SPAG16: variants seen among roughly 807,000 people sequenced by gnomAD.
SPAG16 encodes the protein sperm associated antigen 16.
SPAG16 carries 86 observed loss-of-function variants against 80.4 expected under a neutral mutation model. The observed-to-expected ratio is 1.07, with a 90% CI of 0.90 to 1.28. The LOEUF is 1.28. Ranked by LOEUF, SPAG16 falls within the 50% of genes most tolerant of loss-of-function variation. The pLI is 0.00. For missense variants in SPAG16, 870 were observed against 765.3 expected (o/e 1.14, Z -1.61); for synonymous variants, 294 against 265.9 (o/e 1.11, Z -1.03).
chr2:213,898,173 A>T (rs552662593), intron 11 of SPAG16, among the ~76,000 whole-genome samples: 29 of 152,328 alleles, frequency 1.9e-4, no homozygotes, highest in African/African-American at 7.0e-4. Flanking sequence ...CAGAAAGACT[A>T]TGTATGTTTC....
chr2:213,560,750 G>A (rs1395992137), intron 10 of SPAG16, among the ~76,000 whole-genome samples: 6 of 152,132 alleles, frequency 3.9e-5, no homozygotes, highest in African/African-American at 4.8e-5. Flanking sequence ...CTCCTTAAGA[G>A]TTTATTTTCT....
intron 14 of SPAG16, among the ~76,000 whole-genome samples, chr2:214,131,254 A>C (rs1283541774): frequency 6.6e-6 from 1 of 151,932 alleles, no homozygotes; most frequent in Non-Finnish European, 1.5e-5. Flanking sequence ...CTGTGGTCCT[A>C]GTTGCTTCGG....
intron 10 of SPAG16, among the ~76,000 whole-genome samples, chr2:213,647,128 G>C (rs1020962460): frequency 7.2e-5 from 11 of 152,110 alleles, no homozygotes; most frequent in African/African-American, 2.7e-4. Context: ...ATGAGGTGAA[G>C]GAAGAGAAAA....
Position 213,435,721 on chromosome 2 carries a change from G to T in SPAG16, c.943-54242G>T, listed in dbSNP as rs1001588251. 2.6e-5 allele frequency among the ~76,000 whole-genome samples: 4 copies of T among 152,028 alleles called. No individual in the cohort carries two copies. The East Asian group carries it at 7.7e-4, about 29-fold the overall frequency. On this transcript the variant is annotated intron_variant, in intron 9 of 15. Transcript: ENST00000331683. ...ATTAAATCTAAAATGACTGATAAAAGACACATTGTTCAGGACAGAAAACAA... is the reference window on the plus strand; with the variant it reads ...ATTAAATCTAAAATGACTGATAAAATACACATTGTTCAGGACAGAAAACAA...
chr2:214,406,804 C>T (rs1412833090), intron 15 of SPAG16, among the ~76,000 whole-genome samples: 1 of 152,026 alleles, frequency 6.6e-6, no homozygotes, highest in East Asian at 1.9e-4. Context: ...ATATGCTCCT[C>T]ATTGAGTCCT....
At chr2:214,120,435 T>A in intron 14 of SPAG16, among the ~76,000 whole-genome samples, 1 of 151,984 alleles carries the variant, frequency 6.6e-6, no homozygotes, top group East Asian at 1.9e-4. Context: ...TAATTTCTTT[T>A]TTTACTTTTT....
At chr2:213,554,791 C>G (rs1006091704) in intron 10 of SPAG16, among the ~76,000 whole-genome samples, 1 of 149,902 alleles carries the variant, frequency 6.7e-6, no homozygotes, top group Non-Finnish European at 1.5e-5. Context: ...TTTTAAAACA[C>G]AAAGGAGAAC....
Position 213,346,133 on chromosome 2 carries a change from C to G in SPAG16, c.645-4395C>G, listed in dbSNP as rs573914822. 1.5e-3 allele frequency among the ~76,000 whole-genome samples: 226 copies of G among 152,218 alleles called. 1 individual carries two copies. Among genetic ancestry groups the G allele is most frequent in the African/African-American group, 5.1e-3 (213 of 41,548 alleles). On this transcript the variant is annotated intron_variant, in intron 6 of 15. Transcript: ENST00000331683. ...GTTGGATTCCTAGGTATTTTATTCT[C>G]TTTGAAGCAATTGTGAATGGGAGTT...
chr2:213,991,254 T>C (rs1466604465), intron 12 of SPAG16, among the ~76,000 whole-genome samples: 2 of 152,148 alleles, frequency 1.3e-5, no homozygotes, highest in Admixed American at 1.3e-4. Context: ...CATGTGGTGT[T>C]TGGTTTTCTG....
chr2:213,522,272 A>C (rs2075706840), intron 10 of SPAG16, among the ~76,000 whole-genome samples: 1 of 152,222 alleles, frequency 6.6e-6, no homozygotes, highest in African/African-American at 2.4e-5. Flanking sequence ...TTCACTCTCC[A>C]TTATTCGAAA....
At chr2:214,027,077 TA>T (rs1451602217) in intron 13 of SPAG16, among the ~76,000 whole-genome samples, 1 of 151,564 alleles carries the variant, frequency 6.6e-6, no homozygotes, top group African/African-American at 2.4e-5. Flanking sequence ...ATCACACAAG[TA>T]AAACACTATT....
intron 15 of SPAG16, among the ~76,000 whole-genome samples, chr2:214,288,075 C>G (rs903059888): frequency 6.6e-5 from 10 of 152,084 alleles, no homozygotes; most frequent in Non-Finnish European, 1.2e-4. Context: ...ACCGCCCCCC[C>G]CAATCCCACC....
At chr2:213,631,440 G>A (rs1055694553) in intron 10 of SPAG16, among the ~76,000 whole-genome samples, 1 of 152,100 alleles carries the variant, frequency 6.6e-6, no homozygotes, top group Non-Finnish European at 1.5e-5. Flanking sequence ...GAAGTGATAT[G>A]GTTTGGCTCT....
chr2:213,463,657 A>G (rs1441834274), intron 9 of SPAG16, among the ~76,000 whole-genome samples: 2 of 152,226 alleles, frequency 1.3e-5, no homozygotes, highest in Non-Finnish European at 2.9e-5. Flanking sequence ...GTAGTTTGTG[A>G]ACCTCTGCCT....
At chr2:214,389,635 T>C (rs1700954319) in intron 15 of SPAG16, among the ~76,000 whole-genome samples, 1 of 152,218 alleles carries the variant, frequency 6.6e-6, no homozygotes, top group South Asian at 2.1e-4. Flanking sequence ...AGTGTTTAAG[T>C]AAGAGAACAA....
intron 15 of SPAG16, among the ~76,000 whole-genome samples, chr2:214,185,713 C>G (rs2057445913): frequency 6.6e-6 from 1 of 152,018 alleles, no homozygotes; most frequent in African/African-American, 2.4e-5. Context: ...GGAGACCTGT[C>G]CAAGTGTGCC....
intron 14 of SPAG16, among the ~76,000 whole-genome samples, chr2:214,117,153 A>T (rs564951836): frequency 6.6e-6 from 1 of 152,308 alleles, no homozygotes; most frequent in African/African-American, 2.4e-5. Context: ...GAAATTTTAT[A>T]GAGAGATTGA....
chr2:214,027,563 G>A (rs1388871213), intron 13 of SPAG16, among the ~76,000 whole-genome samples: 1 of 151,650 alleles, frequency 6.6e-6, no homozygotes, highest in Non-Finnish European at 1.5e-5. Flanking sequence ...ATTGATAAAG[G>A]ATCTATAAGA....
intron 3 of SPAG16, among the ~76,000 whole-genome samples, chr2:213,308,387 T>C (rs953948032): frequency 6.6e-6 from 1 of 152,170 alleles, no homozygotes; most frequent in African/African-American, 2.4e-5. Context: ...GAGTATCTTT[T>C]ATCCAAAATG....
Sources: allele counts gnomAD v4.1 joint callset (sites outside exome capture counted in the v4.1 genomes callset), GRCh38; gene constraint gnomAD v4.1.1; transcripts MANE v1.5; gene names NCBI Gene and HGNC (gene_info 2026-07-23, HGNC 2026-07-21).